MYO5C: variants seen among roughly 807,000 people sequenced by gnomAD.
The protein encoded by MYO5C is myosin VC.
A neutral mutation model predicts 235.7 loss-of-function variants in MYO5C; 194 were observed. The ratio of observed to expected loss-of-function variants is 0.82; its 90% CI spans 0.73 to 0.93. The LOEUF (loss-of-function observed/expected upper bound fraction) is 0.93. MYO5C is among the 40% of genes least tolerant of loss of function. The probability of loss-of-function intolerance (pLI) is 0.00; values close to 1 mark genes in which losing one functional copy is unlikely to be tolerated. For synonymous variants in MYO5C, 707 were observed against 754.8 expected, an observed-to-expected ratio of 0.94 and a Z score of 1.04; for missense variants, 2,038 against 2,127.2, an observed-to-expected ratio of 0.96 and a Z score of 0.82.
chr15:52,225,383 C>T (rs2035797860), intron 26 of MYO5C, 56 bp downstream of exon 26: 1 of 1,378,332 alleles, frequency 7.3e-7, no homozygotes, highest in Non-Finnish European at 1.0e-6. Flanking sequence ...AGCAGCGACA[C>T]AGCTATGATA....
In MYO5C at chr15:52,260,861, C is replaced by T. The variant is rs1447927704; in HGVS notation, c.1313+1G>A. On this transcript the variant is annotated splice_donor_variant, in intron 10 of 40. Coordinates refer to ENST00000261839, the MANE Select transcript of MYO5C (RefSeq NM_018728.4). LOFTEE classifies it high-confidence loss of function. ...GACAGGCTCACTGAAGAGAATCTTACCCATAAATGTCCAAAACACCAATAA... is the reference window on the plus strand; with the variant it reads ...GACAGGCTCACTGAAGAGAATCTTATCCATAAATGTCCAAAACACCAATAA... The T allele has an allele frequency of 3.1e-6, 5 of 1,613,842 alleles. No individual in the cohort carries two copies. In the African/African-American group the frequency reaches 5.3e-5, roughly 17 times the overall value.
chr15:52,268,836 G>A (rs890795023), intron 8 of MYO5C, among the ~76,000 whole-genome samples: 2 of 152,224 alleles, frequency 1.3e-5, no homozygotes, highest in Non-Finnish European at 2.9e-5. Context: ...TGTACCAAAT[G>A]AGATGCTTGA....
intron 38 of MYO5C, among the ~76,000 whole-genome samples, chr15:52,199,847 A>G (rs1459900576): frequency 6.6e-6 from 1 of 152,168 alleles, no homozygotes; most frequent in Admixed American, 6.5e-5. Context: ...CCCCAGATAG[A>G]GACATCTGCA....
At chr15:52,284,839 CTT>C (rs367736735) in intron 1 of MYO5C, among the ~76,000 whole-genome samples, 381 of 141,204 alleles carry the variant, frequency 2.7e-3, no homozygotes, top group Non-Finnish European at 3.2e-3. Context: ...TTCTTTCTTT[CTT>C]TTTTTTTTTT....
chr15:52,221,161 C>A lies in MYO5C; in HGVS notation c.3721+1G>T. 1 of 1,607,836 alleles carries A rather than the reference C, an allele frequency of 6.2e-7. No homozygotes were observed. Among genetic ancestry groups the A allele is most frequent in the Non-Finnish European group, 8.5e-7 (1 of 1,177,296 alleles). ...AGCAGGTTAATGAGGGTTTCAGTTA[C>A]CTTTCATTTTCTCAGCTTGTTCATT... On this transcript the variant is annotated splice_donor_variant, in intron 30 of 40. Transcript: ENST00000261839. LOFTEE classifies it high-confidence loss of function.
chr15:52,263,293 T>C (rs955872240), intron 9 of MYO5C, among the ~76,000 whole-genome samples: 4 of 152,164 alleles, frequency 2.6e-5, no homozygotes, highest in African/African-American at 9.7e-5. Context: ...TACATGGACA[T>C]TGATGAGACT....
intron 19 of MYO5C, 128 bp from the exon 20 acceptor site, chr15:52,242,341 C>G: frequency 9.8e-7 from 1 of 1,024,898 alleles, no homozygotes; most frequent in Non-Finnish European, 1.4e-6. Context: ...CCACATTAAA[C>G]TCTGTGGGCA....
At chr15:52,206,410 T>C (rs1256516684) in intron 36 of MYO5C, among the ~76,000 whole-genome samples, 1 of 152,184 alleles carries the variant, frequency 6.6e-6, no homozygotes, top group Non-Finnish European at 1.5e-5. Flanking sequence ...TTCCTAAAAA[T>C]CATACATTGA....
intron 16 of MYO5C, among the ~76,000 whole-genome samples, chr15:52,246,448 C>T (rs944947738): frequency 6.6e-6 from 1 of 152,210 alleles, no homozygotes; most frequent in Admixed American, 6.5e-5. Context: ...CACACACTCA[C>T]CACCTCCATA....
At position 52,286,207 on chromosome 15, in the gene MYO5C, G is replaced by T. The variant is rs537759049; in HGVS notation, c.28-3315C>A. 5.3e-5 allele frequency among the ~76,000 whole-genome samples: 8 copies of T among 151,092 alleles called. No homozygotes were observed. The East Asian group carries it at 1.6e-3, about 30-fold the overall frequency. Reference sequence around the variant, plus strand: ...AGTGTCTCCGCCCGGCAGCCGCCCCGTCCGGGAGGGAGGTGGGGGGTCAGC... The same window carrying T: ...AGTGTCTCCGCCCGGCAGCCGCCCCTTCCGGGAGGGAGGTGGGGGGTCAGC... On this transcript the variant is annotated intron_variant, in intron 1 of 40. Coordinates refer to ENST00000261839, the MANE Select transcript of MYO5C (RefSeq NM_018728.4).
intron 20 of MYO5C, among the ~76,000 whole-genome samples, chr15:52,241,745 T>TGAGAGA (rs1363315111): frequency 1.2e-5 from 1 of 81,230 alleles, no homozygotes; most frequent in Non-Finnish European, 4.0e-5. Context: ...TGTGTGTGTG[T>TGAGAGA]GTGTGTGAGA....
chr15:52,195,250 G>A, intron 40 of MYO5C, 127 bp downstream of exon 40: 2 of 584,206 alleles, frequency 3.4e-6, no homozygotes, highest in Non-Finnish European at 5.7e-6. Flanking sequence ...TTTGAGCTGG[G>A]TGCCTTTCAT....
chr15:52,223,585 T>C lies in MYO5C; in HGVS notation c.3586A>G (p.Ser1196Gly). The change falls in exon 29 of 41, where the codon AGC becomes GGC. Residue 1196 changes from serine to glycine, a missense_variant. By Grantham distance (56) the Ser-to-Gly change is moderately conservative (BLOSUM62 0). Coordinates refer to ENST00000261839, the MANE Select transcript of MYO5C (RefSeq NM_018728.4). The stretch of plus-strand genomic sequence containing the variant: ...AGCCTGGTAACTTCATGACGGATGC[T>C]TTCATTGATGTCATTTTCTTCTCTG... Reference protein sequence around the residue: ...LFREENDINESIRHEVTRLTS... With the variant: ...LFREENDINEGIRHEVTRLTS... 6.2e-7 allele frequency: 1 copy of C among 1,614,202 alleles called. No individual in the cohort carries two copies. Among genetic ancestry groups the C allele is most frequent in the Non-Finnish European group, 8.5e-7 (1 of 1,180,028 alleles).
intron 10 of MYO5C, among the ~76,000 whole-genome samples, chr15:52,259,488 T>C (rs1344933110): frequency 6.7e-6 from 1 of 149,458 alleles, no homozygotes; most frequent in Non-Finnish European, 1.5e-5. Context: ...CATTTAAAAA[T>C]ACATCTTAAA....
At chr15:52,194,646 T>C (rs1321828262) in intron 40 of MYO5C, among the ~76,000 whole-genome samples, 1 of 152,004 alleles carries the variant, frequency 6.6e-6, no homozygotes, top group African/African-American at 2.4e-5. Context: ...AAAGAAAATT[T>C]AGTGAGAAGT....
intron 38 of MYO5C, among the ~76,000 whole-genome samples, chr15:52,199,689 A>G (rs925177452): frequency 5.9e-5 from 9 of 151,932 alleles, no homozygotes; most frequent in African/African-American, 1.5e-4. Context: ...CTTTTTCTCT[A>G]TTCTCTCATG....
chr15:52,261,016 T>C lies in MYO5C; in HGVS notation c.1159A>G (p.Lys387Glu). Residue 387 changes from lysine (K) to glutamate (E), a missense_variant, in exon 10 of 41, where the codon AAA becomes GAA. By Grantham distance (56) the Lys-to-Glu change is moderately conservative. Coordinates refer to ENST00000261839, the MANE Select transcript of MYO5C (RefSeq NM_018728.4). ...KIVTSSETVV[K>E]PMTRPQAVNA... ...ACAGCCTGAGGCCTGGTCATGGGTT[T>C]TACCACCGTCTCAGAGCTTGTGACG... 1.2e-6 allele frequency: 2 copies of C among 1,614,176 alleles called. No individual in the cohort carries two copies. The highest frequency in any genetic ancestry group is 1.7e-6 in the Non-Finnish European group (2 of 1,180,040).
intron 10 of MYO5C, among the ~76,000 whole-genome samples, chr15:52,260,098 C>G (rs747211455): frequency 1.8e-4 from 27 of 152,248 alleles, no homozygotes; most frequent in Non-Finnish European, 3.8e-4. Flanking sequence ...GGATAACAAT[C>G]TCCACAGAGC....
At chr15:52,227,502 T>C (rs1199405509) in intron 25 of MYO5C, among the ~76,000 whole-genome samples, 1 of 151,806 alleles carries the variant, frequency 6.6e-6, no homozygotes, top group African/African-American at 2.4e-5. Flanking sequence ...CAGCCCCAAG[T>C]AATCTTAATG....
Sources: allele counts gnomAD v4.1 joint callset (sites outside exome capture counted in the v4.1 genomes callset), GRCh38; gene constraint gnomAD v4.1.1; transcripts MANE v1.5; gene names NCBI Gene and HGNC (gene_info 2026-07-23, HGNC 2026-07-21).